Variants in RALGAPA1 observed in about 807,000 individuals in gnomAD.
RALGAPA1 encodes Ral GTPase activating protein catalytic subunit alpha 1.
RALGAPA1 carries 52 observed loss-of-function variants against 269.6 expected under a neutral mutation model. That is an observed-to-expected ratio of 0.19 (90% CI 0.15 to 0.24). The LOEUF (loss-of-function observed/expected upper bound fraction) is 0.24, where lower values mean the gene tolerates loss of function less well. RALGAPA1 is among the 10% of genes least tolerant of loss of function. The probability of loss-of-function intolerance (pLI) is 1.00; values close to 1 mark genes in which losing one functional copy is unlikely to be tolerated. For synonymous variants in RALGAPA1, 817 were observed against 1,008.3 expected (o/e 0.81, Z 3.60); for missense variants, 1,917 against 3,013.9 (o/e 0.64, Z 8.52).
intron 39 of RALGAPA1, among the ~76,000 whole-genome samples, chr14:35,566,428 C>T (rs1429218692): frequency 6.6e-6 from 1 of 151,976 alleles, no homozygotes; most frequent in Non-Finnish European, 1.5e-5. Context: ...GCTTTGGAAT[C>T]TTAGTGAGTA....
intron 8 of RALGAPA1, among the ~76,000 whole-genome samples, chr14:35,751,378 T>C (rs201586259): frequency 2.0e-5 from 3 of 152,196 alleles, no homozygotes; most frequent in African/African-American, 4.8e-5. Flanking sequence ...ATTTATAATA[T>C]AGTCTAAGGA....
At chr14:35,562,459 G>T (rs1351604653) in intron 39 of RALGAPA1, among the ~76,000 whole-genome samples, 2 of 152,220 alleles carry the variant, frequency 1.3e-5, no homozygotes, top group East Asian at 3.9e-4. Flanking sequence ...CAAATGAAGT[G>T]AAAACCCTCA....
chr14:35,571,623 G>A (rs549099212), intron 38 of RALGAPA1, among the ~76,000 whole-genome samples: 7 of 152,150 alleles, frequency 4.6e-5, no homozygotes, highest in African/African-American at 1.2e-4. Flanking sequence ...GCAGTGAGCC[G>A]AGATTGCGCC....
chr14:35,660,638 G>A (rs2063480736), intron 27 of RALGAPA1, among the ~76,000 whole-genome samples: 1 of 152,082 alleles, frequency 6.6e-6, no homozygotes, highest in Non-Finnish European at 1.5e-5. Flanking sequence ...AAAGAGATAA[G>A]TGTACTCCTA....
chr14:35,676,996 C>G (rs1028975568), intron 22 of RALGAPA1: 1 of 151,914 alleles, frequency 6.6e-6, no homozygotes, highest in African/African-American at 2.4e-5. Context: ...AGAAATAATC[C>G]ACAAACCAGA....
intron 33 of RALGAPA1, among the ~76,000 whole-genome samples, chr14:35,632,238 AAAG>A (rs888987231): frequency 1.3e-5 from 2 of 152,194 alleles, no homozygotes; most frequent in Non-Finnish European, 2.9e-5. Flanking sequence ...ACTAAAATAC[AAAG>A]AAGACATGAA....
chr14:35,645,604 G>C (rs968829919), intron 31 of RALGAPA1, among the ~76,000 whole-genome samples: 1 of 151,724 alleles, frequency 6.6e-6, no homozygotes, highest in Non-Finnish European at 1.5e-5. Flanking sequence ...GGTGGCGGGC[G>C]CCTGTAGTCC....
chr14:35,680,622 T>C (rs2065347241), intron 21 of RALGAPA1, among the ~76,000 whole-genome samples: 1 of 152,104 alleles, frequency 6.6e-6, no homozygotes, highest in African/African-American at 2.4e-5. Context: ...TTTGCTTTTT[T>C]GTTTTTGTTT....
intron 35 of RALGAPA1, among the ~76,000 whole-genome samples, chr14:35,610,629 G>A (rs890112080): frequency 2.0e-5 from 3 of 151,976 alleles, no homozygotes; most frequent in East Asian, 1.9e-4. Context: ...CAGAATACCC[G>A]AATAGACCTA....
chr14:35,697,660 T>A (rs189197047), intron 17 of RALGAPA1, among the ~76,000 whole-genome samples: 61 of 152,184 alleles, frequency 4.0e-4, no homozygotes, highest in African/African-American at 1.4e-3. Flanking sequence ...AGTTTTGTTT[T>A]TTTTTTTAAC....
chr14:35,677,334 C>CA (rs1334874114), intron 22 of RALGAPA1: 4 of 152,380 alleles, frequency 2.6e-5, no homozygotes, highest in African/African-American at 9.7e-5. Context: ...CAATTTATGG[C>CA]ATATTTGCAT....
intron 37 of RALGAPA1, among the ~76,000 whole-genome samples, chr14:35,593,093 T>C (rs559193555): frequency 6.6e-6 from 1 of 152,262 alleles, no homozygotes; most frequent in Non-Finnish European, 1.5e-5. Context: ...TGATATGCTA[T>C]GTAGAAAGCC....
In RALGAPA1 at chr14:35,648,121, C is replaced by CA. The variant is rs573874739; in HGVS notation, c.5676+3683dup. ...GAAATCCCATCTCTACTGAAAAAAA[C>CA]AAAAAAAAAAACCAACCAAAAAAAA... On this transcript the variant is annotated intron_variant, in intron 31 of 41. Coordinates refer to ENST00000680220, the MANE Select transcript of RALGAPA1 (RefSeq NM_001346249.2). Among the ~76,000 whole-genome samples, 436 of 136,720 alleles carry CA rather than the reference C, an allele frequency of 3.2e-3. 7 individuals carry two copies. The East Asian group carries it at 0.043, about 13-fold the overall frequency. 89.7% of individuals were successfully genotyped at this position (136,720 alleles called of 152,430 possible).
intron 37 of RALGAPA1, among the ~76,000 whole-genome samples, chr14:35,582,386 T>A (rs1266131469): frequency 1.3e-5 from 2 of 152,180 alleles, no homozygotes; most frequent in Non-Finnish European, 2.9e-5. Flanking sequence ...TAACAACAAA[T>A]AAAATGCCGA....
chr14:35,775,655 T>C lies in RALGAPA1; in HGVS notation c.197A>G (p.Glu66Gly). 1.9e-6 allele frequency: 3 copies of C among 1,575,988 alleles called. No individual in the cohort carries two copies. The highest frequency in any genetic ancestry group is 2.6e-6 in the Non-Finnish European group (3 of 1,168,288). ...YVFFENFVTI[E>G]ASLKQKGHKS... Reference sequence around the variant, plus strand: ...CTTACCTTTCTGTTTAAGACTAGCTTCAATAGTCACAAAATTTTCAAAGAA... The same window carrying C: ...CTTACCTTTCTGTTTAAGACTAGCTCCAATAGTCACAAAATTTTCAAAGAA... Residue 66 changes from glutamate to glycine, a missense_variant, in exon 2 of 42, where the codon GAA (glutamate) becomes GGA (glycine). Physicochemically the swap from Glu to Gly is moderately conservative, Grantham distance 98 (BLOSUM62 -2). This residue lies in a region of RALGAPA1 where 462 missense variants were observed against 725.6 expected (regional missense o/e 0.64). Transcript: ENST00000680220.
intron 31 of RALGAPA1, among the ~76,000 whole-genome samples, chr14:35,636,938 G>A (rs2061697811): frequency 6.6e-6 from 1 of 152,188 alleles, no homozygotes; most frequent in South Asian, 2.1e-4. Flanking sequence ...AAAGAGAGAA[G>A]ATGGGAACTT....
intron 12 of RALGAPA1, among the ~76,000 whole-genome samples, chr14:35,737,122 A>G (rs1403050086): frequency 1.3e-5 from 2 of 152,168 alleles, no homozygotes; most frequent in African/African-American, 4.8e-5. Context: ...ATGGAAAAGC[A>G]TATGAATTCA....
At chr14:35,729,205 G>C (rs1222103274) in intron 12 of RALGAPA1, among the ~76,000 whole-genome samples, 2 of 151,948 alleles carry the variant, frequency 1.3e-5, no homozygotes, top group African/African-American at 4.8e-5. Context: ...TTATTTTTAT[G>C]TTTGTATATC....
chr14:35,539,805 G>A (rs1217708169), intron 41 of RALGAPA1, 115 bp from the exon 42 acceptor site: 3 of 1,458,720 alleles, frequency 2.1e-6, no homozygotes, highest in Non-Finnish European at 2.8e-6. Flanking sequence ...GATCTTTCGA[G>A]GGAAAAAGCA....
Sources: allele counts gnomAD v4.1 joint callset (sites outside exome capture counted in the v4.1 genomes callset), GRCh38; gene constraint gnomAD v4.1.1; regional missense constraint gnomAD v4.1.1; transcripts MANE v1.5; gene names NCBI Gene and HGNC (gene_info 2026-07-23, HGNC 2026-07-21).